EPHX4: variants seen among roughly 807,000 people sequenced by gnomAD.
EPHX4 encodes epoxide hydrolase 4.
In EPHX4, 31 loss-of-function variants were observed where a neutral mutation model predicts 44.9. The ratio of observed to expected loss-of-function variants is 0.69; its 90% CI spans 0.52 to 0.93. The LOEUF is 0.93. Ranked by LOEUF, EPHX4 falls within the 40% of genes least tolerant of loss-of-function variation. EPHX4 has a pLI of 0.00. For synonymous variants in EPHX4, 151 were observed against 159.7 expected, an observed-to-expected ratio of 0.95 and a Z score of 0.41; for missense variants, 373 against 438.1, an observed-to-expected ratio of 0.85 and a Z score of 1.33.
chr1:92,063,016 T>A (rs763479084), intron 6 of EPHX4, 39 bp from the exon 7 acceptor site: 7 of 1,550,912 alleles, frequency 4.5e-6, no homozygotes, highest in Non-Finnish European at 6.2e-6. Context: ...ATTTTAACTT[T>A]GACAGTGAAT....
At chr1:92,058,651 T>G (rs1647424325) in intron 6 of EPHX4, among the ~76,000 whole-genome samples, 1 of 152,090 alleles carries the variant, frequency 6.6e-6, no homozygotes, top group African/African-American at 2.4e-5. Flanking sequence ...TCTGGGAAAC[T>G]GACCTTTGCT....
At chr1:92,032,693 A>G in intron 2 of EPHX4, 103 bp downstream of exon 2, 1 of 961,510 alleles carries the variant, frequency 1.0e-6, no homozygotes, top group East Asian at 2.5e-5. Context: ...GGTAACTTAA[A>G]ATGAACATAA....
intron 6 of EPHX4, among the ~76,000 whole-genome samples, chr1:92,062,691 T>A (rs1287148534): frequency 6.6e-6 from 1 of 152,078 alleles, no homozygotes; most frequent in Non-Finnish European, 1.5e-5. Flanking sequence ...CTCATCCAAT[T>A]TAAATTTTAC....
intron 6 of EPHX4, among the ~76,000 whole-genome samples, chr1:92,056,266 C>A (rs1469998064): frequency 1.3e-5 from 2 of 152,078 alleles, no homozygotes; most frequent in Non-Finnish European, 2.9e-5. Context: ...TATAGTCAGG[C>A]ATGAAAATAG....
intron 6 of EPHX4, among the ~76,000 whole-genome samples, chr1:92,056,446 G>A (rs1425912944): frequency 6.6e-6 from 1 of 152,032 alleles, no homozygotes; most frequent in Non-Finnish European, 1.5e-5. Context: ...AAAGCAAAAT[G>A]TGACAGTCTT....
At chr1:92,042,637 A>C (rs1417529013) in intron 2 of EPHX4, among the ~76,000 whole-genome samples, 186 bp from the exon 3 acceptor site, 2 of 150,186 alleles carry the variant, frequency 1.3e-5, no homozygotes, top group East Asian at 3.9e-4. Flanking sequence ...AGGCAGGAGG[A>C]TCACTTGAGC....
intron 2 of EPHX4, among the ~76,000 whole-genome samples, chr1:92,034,347 G>T (rs1688406303): frequency 2.2e-5 from 3 of 134,662 alleles, no homozygotes; most frequent in African/African-American, 8.2e-5. Flanking sequence ...GGCAGTAAAA[G>T]AAAACCAGTT....
intron 6 of EPHX4, among the ~76,000 whole-genome samples, chr1:92,054,842 T>C (rs1000921705): frequency 2.0e-5 from 3 of 152,000 alleles, no homozygotes; most frequent in South Asian, 4.1e-4. Flanking sequence ...ATGAGTTAAA[T>C]TGCAGATCAG....
intron 4 of EPHX4, among the ~76,000 whole-genome samples, chr1:92,047,289 G>C (rs1372559086): frequency 6.6e-6 from 1 of 151,970 alleles, no homozygotes; most frequent in African/African-American, 2.4e-5. Context: ...TGCACCTGTA[G>C]TCCCAGCTAC....
intron 2 of EPHX4, among the ~76,000 whole-genome samples, chr1:92,042,182 AG>A (rs1688517187): frequency 6.6e-6 from 1 of 151,920 alleles, no homozygotes; most frequent in East Asian, 2.0e-4. Flanking sequence ...CAACATAGTG[AG>A]ACCCTGTTTC....
Position 92,030,140 on chromosome 1 carries a change from T to C in EPHX4, c.61T>C (p.Trp21Arg). ...GCTCACGCTCCGGTCCCTGCTCTTC[T>C]GGTCCCTGGTCTACTGCTACTGCGG... ...LMLTLRSLLFWSLVYCYCGLC... is the reference protein window; with the variant it reads ...LMLTLRSLLFRSLVYCYCGLC... The change falls in exon 1 of 7, where the codon TGG becomes CGG. Residue 21 changes from tryptophan to arginine, a missense_variant. Transcript: ENST00000370383. 6.2e-7 allele frequency: 1 copy of C among 1,612,734 alleles called. No homozygotes were observed. Among genetic ancestry groups the C allele is most frequent in the African/African-American group, 1.3e-5 (1 of 74,982 alleles).
Position 92,042,848 on chromosome 1 carries a change from G to A in EPHX4, c.343G>A (p.Glu115Lys), listed in dbSNP as rs1688528647. The A allele has an allele frequency of 3.1e-6, 5 of 1,610,870 alleles. No individual in the cohort carries two copies. Among genetic ancestry groups the A allele is most frequent in the Non-Finnish European group, 4.2e-6 (5 of 1,179,224 alleles). The change falls in exon 3 of 7, where the codon GAA becomes AAA. Residue 115 changes from glutamate (E) to lysine (K), a missense_variant. By Grantham distance (56) the Glu-to-Lys change is moderately conservative. Coordinates refer to ENST00000370383, the MANE Select transcript of EPHX4 (RefSeq NM_173567.5). ...GTATTCTTGGCGTTACCAACTGAGA[G>A]AATTTAAAAGTGAATATCGAGTTGT... ...FWYSWRYQLR[E>K]FKSEYRVVAL...
At chr1:92,054,777 A>G (rs1428024140) in intron 6 of EPHX4, among the ~76,000 whole-genome samples, 2 of 152,040 alleles carry the variant, frequency 1.3e-5, no homozygotes, top group Non-Finnish European at 2.9e-5. Context: ...GAAAGAGCTG[A>G]AAAAGAACTT....
rs1488323080 is a variant in EPHX4 at position 92,030,221 on chromosome 1, G to A, written c.142G>A (p.Ala48Thr). 1.9e-6 allele frequency: 3 copies of A among 1,605,424 alleles called. No individual in the cohort carries two copies. Among genetic ancestry groups the A allele is most frequent in the East Asian group, 4.5e-5 (2 of 44,498 alleles). The change falls in exon 1 of 7, where the codon GCG becomes ACG. Residue 48 changes from alanine to threonine, a missense_variant. Transcript: ENST00000370383. ...TTTGTGGAGCCTCGGCAAGGGGCCG[G>A]CGCAGACCTTCCGGCGGCCCGCCCG... ...KLLWSLGKGP[A>T]QTFRRPAREH... is the part of the protein sequence containing the mutation.
intron 2 of EPHX4, among the ~76,000 whole-genome samples, chr1:92,035,531 A>C (rs185365642): frequency 2.6e-5 from 4 of 152,126 alleles, no homozygotes; most frequent in Admixed American, 2.6e-4. Flanking sequence ...GTGGAGATCC[A>C]TGTGTCAAAT....
chr1:92,042,475 G>A (rs1351945775), intron 2 of EPHX4, among the ~76,000 whole-genome samples: 2 of 152,032 alleles, frequency 1.3e-5, no homozygotes, highest in Non-Finnish European at 2.9e-5. Flanking sequence ...TGTAATCTCA[G>A]CACTTTGGGA....
At chr1:92,037,525 A>G (rs1206770177) in intron 2 of EPHX4, among the ~76,000 whole-genome samples, 1 of 152,056 alleles carries the variant, frequency 6.6e-6, no homozygotes, top group Non-Finnish European at 1.5e-5. Context: ...CTTTAAAAAT[A>G]TTTTGAGCTG....
chr1:92,057,200 A>C (rs1019320950), intron 6 of EPHX4, among the ~76,000 whole-genome samples: 4 of 152,070 alleles, frequency 2.6e-5, no homozygotes, highest in African/African-American at 9.7e-5. Flanking sequence ...AGCAAAAATT[A>C]ATACAATAAA....
chr1:92,057,393 T>C (rs942917628), intron 6 of EPHX4, among the ~76,000 whole-genome samples: 3 of 152,158 alleles, frequency 2.0e-5, no homozygotes, highest in African/African-American at 7.2e-5. Context: ...CATTAAGGTA[T>C]AAATGTTTAA....
Sources: allele counts gnomAD v4.1 joint callset (sites outside exome capture counted in the v4.1 genomes callset), GRCh38; gene constraint gnomAD v4.1.1; transcripts MANE v1.5; gene names NCBI Gene and HGNC (gene_info 2026-07-23, HGNC 2026-07-21).